TRNT1: variants seen among roughly 807,000 people sequenced by gnomAD.
The protein encoded by TRNT1 is tRNA nucleotidyl transferase 1.
In TRNT1, 44 loss-of-function variants were observed where a neutral mutation model predicts 45.6. The observed-to-expected ratio is 0.97, with a 90% CI of 0.76 to 1.24. TRNT1 has a LOEUF of 1.24. Ranked by LOEUF, TRNT1 falls within the 50% of genes most tolerant of loss-of-function variation. The pLI is 0.00. For synonymous variants in TRNT1, 201 were observed against 171.4 expected (o/e 1.17, Z -1.35); for missense variants, 633 against 504.4 (o/e 1.25, Z -2.44).
At chr3:3,137,186 G>T (rs1310231659) in intron 2 of TRNT1, 74 bp from the exon 3 acceptor site, 13 of 1,239,204 alleles carry the variant, frequency 1.0e-5, no homozygotes, top group Non-Finnish European at 1.4e-5. Context: ...GAAAAGCCTT[G>T]TACTTTTGTG....
At chr3:3,150,733 C>G, downstream of TRNT1, 1 of 904,688 alleles carries the variant, frequency 1.1e-6, no homozygotes, top group South Asian at 1.7e-5. Flanking sequence ...AACTGCAACC[C>G]TCCAAGTAAT....
chr3:3,152,605 C>T, downstream of TRNT1: 1 of 1,613,900 alleles, frequency 6.2e-7, no homozygotes, highest in Non-Finnish European at 8.5e-7. Context: ...AAAGAATCAA[C>T]ATGGAGAACA....
intron 2 of TRNT1, among the ~76,000 whole-genome samples, chr3:3,135,951 G>T (rs1292372279): frequency 6.6e-6 from 1 of 152,268 alleles, no homozygotes; most frequent in East Asian, 1.9e-4. Context: ...GCTTGTATTG[G>T]GTCATTTTGG....
At chr3:3,136,806 C>T (rs2126016616) in intron 2 of TRNT1, 1 of 340,436 alleles carries the variant, frequency 2.9e-6, no homozygotes, top group South Asian at 2.3e-5. Flanking sequence ...AGGTGTGCGC[C>T]ACTGAACCTG....
intron 1 of TRNT1, 135 bp downstream of exon 1, chr3:3,127,125 C>T (rs1384607170): frequency 5.9e-5 from 9 of 152,336 alleles, no homozygotes; most frequent in Admixed American, 5.2e-4. Context: ...CGAGAGGCCT[C>T]CTCAGCAGTG....
At chr3:3,152,033 A>G (rs1299878954), downstream of TRNT1, among the ~76,000 whole-genome samples, 1 of 152,240 alleles carries the variant, frequency 6.6e-6, no homozygotes, top group Non-Finnish European at 1.5e-5. Flanking sequence ...AACTGGATAC[A>G]GTAATCTGAG....
At chr3:3,129,607 G>C (rs1275680194) in intron 2 of TRNT1, 3 of 508,398 alleles carry the variant, frequency 5.9e-6, no homozygotes, top group Non-Finnish European at 1.1e-5. Context: ...AATATTAAAA[G>C]AGAAAGGCTT....
chr3:3,150,731 C>G, downstream of TRNT1: 1 of 881,912 alleles, frequency 1.1e-6, no homozygotes, highest in Non-Finnish European at 1.7e-6. Context: ...GAAACTGCAA[C>G]CCTCCAAGTA....
intron 3 of TRNT1, among the ~76,000 whole-genome samples, 170 bp from the exon 4 acceptor site, chr3:3,140,340 G>T (rs1404744999): frequency 6.6e-6 from 1 of 152,042 alleles, no homozygotes; most frequent in Non-Finnish European, 1.5e-5. Flanking sequence ...TGAATAATGT[G>T]GATATCTTTC....
At chr3:3,143,230 C>G (rs1000223521) in intron 4 of TRNT1, among the ~76,000 whole-genome samples, 4 of 152,066 alleles carry the variant, frequency 2.6e-5, no homozygotes, top group African/African-American at 7.2e-5. Context: ...CTTAGTTTGC[C>G]TGAGCTTGAA....
chr3:3,145,581 A>G (rs959438225), intron 5 of TRNT1: 3 of 152,068 alleles, frequency 2.0e-5, no homozygotes, highest in African/African-American at 7.2e-5. Flanking sequence ...GTGGGTAGCA[A>G]TGATGTTTAA....
In TRNT1 at chr3:3,127,788, T is replaced by C. The variant is rs575864762; in HGVS notation, c.-28+798T>C. ...CCTCTCATACTGCCTGAAGCCCTGC[T>C]CTGGGGAGAGTGTCATCACAGTACC... On this transcript the variant is annotated intron_variant, in intron 1 of 7. Transcript: ENST00000251607. 2.0e-5 allele frequency: 3 copies of C among 152,296 alleles called. No individual in the cohort carries two copies. The East Asian group carries it at 5.8e-4, about 29-fold the overall frequency. The allele number at this position is 152,296 out of a possible 1,614,324, so 9.4% of individuals were successfully genotyped here.
chr3:3,150,028 G>C (rs923112097), downstream of TRNT1: 3 of 151,978 alleles, frequency 2.0e-5, no homozygotes, highest in African/African-American at 7.2e-5. Flanking sequence ...TCACACTTAA[G>C]GTTTACTTAC....
At chr3:3,151,685 AAGATAGGGCAATCCAAGATACATAGT>A (rs957144088), downstream of TRNT1, among the ~76,000 whole-genome samples, 3 of 152,200 alleles carry the variant, frequency 2.0e-5, no homozygotes, top group Non-Finnish European at 4.4e-5. Flanking sequence ...GGTGCCAAGT[AAGATAGGGCAATCCAAGATACATAGT>A]CCTAACCCCA....
intron 2 of TRNT1, chr3:3,130,104 GCCAC>G: frequency 2.6e-6 from 2 of 779,876 alleles, no homozygotes; most frequent in Non-Finnish European, 4.1e-6. Flanking sequence ...TGCTAAAGCA[GCCAC>G]ACAGTAGCAT....
At chr3:3,137,529 G>T in intron 3 of TRNT1, 76 bp downstream of exon 3, 1 of 1,278,398 alleles carries the variant, frequency 7.8e-7, no homozygotes. Context: ...CTAGTTAAAA[G>T]CAAATAACGA....
chr3:3,147,742 C>G (rs370541025), intron 7 of TRNT1, 39 bp downstream of exon 7: 1 of 1,554,442 alleles, frequency 6.4e-7, no homozygotes, highest in African/African-American at 1.4e-5. Flanking sequence ...TATGAAGTAT[C>G]GTCACGAATT....
At chr3:3,137,139 C>T in intron 2 of TRNT1, 121 bp from the exon 3 acceptor site, 2 of 732,612 alleles carry the variant, frequency 2.7e-6, no homozygotes, top group South Asian at 5.6e-5. Context: ...ATATGAAAAG[C>T]CTCAGTTAAA....
At chr3:3,146,178 T>C (rs904851064) in intron 5 of TRNT1, among the ~76,000 whole-genome samples, 4 of 151,646 alleles carry the variant, frequency 2.6e-5, no homozygotes, top group African/African-American at 4.9e-5. Context: ...GTGGAGACCT[T>C]GAAGTTTTAG....
Sources: gnomAD v4.1 joint callset for allele counts (sites outside exome capture counted in the v4.1 genomes callset) on GRCh38, gnomAD v4.1.1 for gene constraint, MANE v1.5 for transcripts, NCBI Gene and HGNC (gene_info 2026-07-23, HGNC 2026-07-21) for gene names.